TIAM2: variants seen among roughly 807,000 people sequenced by gnomAD.
The protein encoded by TIAM2 is TIAM Rac1 associated GEF 2, also known as rho guanine nucleotide exchange factor TIAM2.
A neutral mutation model predicts 152.9 loss-of-function variants in TIAM2; 80 were observed. That is an observed-to-expected ratio of 0.52 (90% CI 0.44 to 0.63). TIAM2 has a LOEUF of 0.63. TIAM2 is among the 30% of genes least tolerant of loss of function. The pLI is 0.00. For synonymous variants in TIAM2, 804 were observed against 838.0 expected (o/e 0.96, Z 0.70); for missense variants, 1,965 against 2,120.1 (o/e 0.93, Z 1.44).
chr6:155,131,682 C>T (rs1228968082), intron 4 of TIAM2, among the ~76,000 whole-genome samples: 2 of 151,666 alleles, frequency 1.3e-5, no homozygotes, highest in South Asian at 2.1e-4. Context: ...CGTGTCCAAG[C>T]GATTCTGCTG....
At chr6:155,192,037 G>GGATTTTCA (rs753500638) in intron 14 of TIAM2, among the ~76,000 whole-genome samples, 74 of 152,286 alleles carry the variant, frequency 4.9e-4, no homozygotes, top group Non-Finnish European at 8.8e-4. Flanking sequence ...CATGGATTAT[G>GGATTTTCA]TGGGGGGCCC....
At chr6:155,078,806 A>C (rs1305782345) in intron 1 of TIAM2, among the ~76,000 whole-genome samples, 2 of 152,170 alleles carry the variant, frequency 1.3e-5, no homozygotes, top group African/African-American at 2.4e-5. Context: ...AATCCTTTTT[A>C]AAGTTCTGAA....
At chr6:155,067,465 C>T (rs973476018) in intron 1 of TIAM2, among the ~76,000 whole-genome samples, 6 of 152,134 alleles carry the variant, frequency 3.9e-5, no homozygotes, top group Admixed American at 6.6e-5. Flanking sequence ...GGAAGAGGTC[C>T]ATGTCTCCAA....
chr6:155,203,067 A>AAAAAG (rs1781516364), intron 14 of TIAM2, among the ~76,000 whole-genome samples: 1 of 150,774 alleles, frequency 6.6e-6, no homozygotes, highest in Non-Finnish European at 1.5e-5. Context: ...AAAAAAAAAA[A>AAAAAG]AAAGAGAAAG....
intron 15 of TIAM2, among the ~76,000 whole-genome samples, chr6:155,233,220 C>G (rs892885425): frequency 2.0e-5 from 3 of 152,180 alleles, no homozygotes; most frequent in African/African-American, 7.2e-5. Context: ...CCAAAACGCA[C>G]AGGAAAGTTG....
At chr6:155,070,093 G>A (rs1029056194) in intron 1 of TIAM2, among the ~76,000 whole-genome samples, 2 of 151,060 alleles carry the variant, frequency 1.3e-5, no homozygotes, top group Non-Finnish European at 2.9e-5. Flanking sequence ...TTTTAGTAGA[G>A]ACAGGGTTTC....
intron 5 of TIAM2, among the ~76,000 whole-genome samples, chr6:155,142,139 G>C (rs971903192): frequency 7.2e-5 from 11 of 152,186 alleles, no homozygotes; most frequent in African/African-American, 2.7e-4. Flanking sequence ...AATGGCAGAG[G>C]CTTCACTGAC....
intron 3 of TIAM2, among the ~76,000 whole-genome samples, chr6:155,128,087 T>G (rs1301833966): frequency 6.6e-6 from 1 of 152,310 alleles, no homozygotes; most frequent in East Asian, 1.9e-4. Context: ...ACTTTGAGTT[T>G]GGCTTAACTA....
At chr6:155,244,520 T>TGTC (rs1380842791) in intron 17 of TIAM2, 138 bp from the exon 18 acceptor site, 3 of 1,027,920 alleles carry the variant, frequency 2.9e-6, no homozygotes, top group Non-Finnish European at 4.3e-6. Flanking sequence ...ATGAATGTGC[T>TGTC]GTCTTCTTAA....
At chr6:155,161,644 T>G (rs1247020698) in intron 7 of TIAM2, among the ~76,000 whole-genome samples, 1 of 151,562 alleles carries the variant, frequency 6.6e-6, no homozygotes, top group East Asian at 2.0e-4. Context: ...CTCAGCTCAC[T>G]GCAGCCTCCA....
intron 14 of TIAM2, among the ~76,000 whole-genome samples, chr6:155,191,708 T>G (rs942042146): frequency 2.6e-5 from 4 of 152,004 alleles, no homozygotes; most frequent in South Asian, 2.1e-4. Flanking sequence ...GGCAGGAGAA[T>G]CGCTTGAACC....
intron 1 of TIAM2, among the ~76,000 whole-genome samples, chr6:155,030,461 G>T (rs548391785): frequency 6.6e-6 from 1 of 152,070 alleles, no homozygotes; most frequent in Non-Finnish European, 1.5e-5. Context: ...CAATAGGCAG[G>T]GATTTGACCT....
intron 23 of TIAM2, 175 bp from the exon 24 acceptor site, chr6:155,252,773 A>G (rs1783745744): frequency 1.7e-6 from 1 of 588,928 alleles, no homozygotes; most frequent in South Asian, 2.2e-5. Flanking sequence ...CTTCCCTAGC[A>G]TGTGAGGTCT....
At chr6:155,227,680 G>A (rs1157002933) in intron 15 of TIAM2, among the ~76,000 whole-genome samples, 3 of 152,218 alleles carry the variant, frequency 2.0e-5, no homozygotes, top group East Asian at 3.8e-4. Context: ...TGCAAGGTAC[G>A]ATGTTAGAAA....
intron 1 of TIAM2, among the ~76,000 whole-genome samples, chr6:155,068,183 G>T (rs1464530435): frequency 2.6e-4 from 40 of 152,086 alleles, no homozygotes. Flanking sequence ...CCTATTGCTG[G>T]GCCCCTCTCC....
intron 1 of TIAM2, among the ~76,000 whole-genome samples, chr6:155,034,054 T>C (rs2114895153): frequency 6.6e-6 from 1 of 151,830 alleles, no homozygotes; most frequent in Non-Finnish European, 1.5e-5. Flanking sequence ...CCTTTTTTTT[T>C]TTTTCCTGCC....
chr6:155,056,727 A>G (rs907853151), intron 1 of TIAM2, among the ~76,000 whole-genome samples: 1 of 152,120 alleles, frequency 6.6e-6, no homozygotes, highest in African/African-American at 2.4e-5. Flanking sequence ...AGCTTCCCCT[A>G]TTATTAACAT....
chr6:155,172,981 A>G (rs1780667550), intron 9 of TIAM2, among the ~76,000 whole-genome samples: 2 of 152,016 alleles, frequency 1.3e-5, no homozygotes, highest in African/African-American at 2.4e-5. Context: ...CTTGGATAGC[A>G]TTGACCTTCC....
intron 1 of TIAM2, among the ~76,000 whole-genome samples, chr6:155,081,348 C>T (rs1274697147): frequency 6.6e-6 from 1 of 150,806 alleles, no homozygotes; most frequent in Non-Finnish European, 1.5e-5. Context: ...TATCTACTTT[C>T]AAGGCATTGG....
Sources: gnomAD v4.1 joint callset for allele counts (sites outside exome capture counted in the v4.1 genomes callset) on GRCh38, gnomAD v4.1.1 for gene constraint, MANE v1.5 for transcripts, NCBI Gene and HGNC (gene_info 2026-07-23, HGNC 2026-07-21) for gene names.